Variants in GMDS observed in about 807,000 individuals in gnomAD.
The protein encoded by GMDS is GDP-mannose 4,6 dehydratase.
A neutral mutation model predicts 49.9 loss-of-function variants in GMDS; 20 were observed. The observed-to-expected ratio is 0.40, with a 90% CI of 0.28 to 0.58. The LOEUF (loss-of-function observed/expected upper bound fraction) is 0.58, where lower values mean the gene tolerates loss of function less well. Ranked by LOEUF, GMDS falls within the 20% of genes least tolerant of loss-of-function variation. The pLI, the probability that GMDS is intolerant of heterozygous loss-of-function variation, is 0.42. For synonymous variants in GMDS, 177 were observed against 178.6 expected (o/e 0.99, Z 0.07); for missense variants, 362 against 481.4 (o/e 0.75, Z 2.32).
chr6:1,995,246 G>A (rs1395157028), intron 4 of GMDS, among the ~76,000 whole-genome samples: 2 of 152,156 alleles, frequency 1.3e-5, no homozygotes, highest in African/African-American at 4.8e-5. Context: ...GGGTACAAGG[G>A]AGGACCACAG....
intron 9 of GMDS, among the ~76,000 whole-genome samples, chr6:1,706,818 T>A (rs1465212573): frequency 6.6e-6 from 1 of 152,244 alleles, no homozygotes; most frequent in Non-Finnish European, 1.5e-5. Flanking sequence ...ATAGTCTGAA[T>A]GGACACGGAC....
intron 4 of GMDS, among the ~76,000 whole-genome samples, chr6:2,056,616 G>A (rs555673018): frequency 3.4e-4 from 52 of 152,160 alleles, no homozygotes; most frequent in African/African-American, 1.1e-3. Flanking sequence ...TAAAAAAACC[G>A]CAGATGCCAG....
At chr6:2,153,119 T>C (rs1193654411) in intron 1 of GMDS, among the ~76,000 whole-genome samples, 6 of 152,180 alleles carry the variant, frequency 3.9e-5, no homozygotes, top group African/African-American at 1.4e-4. Flanking sequence ...GACTATTCAA[T>C]AAATTATGCT....
At chr6:2,045,699 G>T (rs555492867) in intron 4 of GMDS, among the ~76,000 whole-genome samples, 1 of 151,718 alleles carries the variant, frequency 6.6e-6, no homozygotes, top group East Asian at 1.9e-4. Flanking sequence ...ACCTTTCCTG[G>T]AGTAATCCTA....
chr6:2,076,384 T>C (rs1772341013), intron 4 of GMDS, among the ~76,000 whole-genome samples: 1 of 149,388 alleles, frequency 6.7e-6, no homozygotes, highest in African/African-American at 2.4e-5. Flanking sequence ...ACCAATGACT[T>C]TCTTCACAGA....
At chr6:1,849,799 T>C (rs1428176618) in intron 7 of GMDS, among the ~76,000 whole-genome samples, 2 of 152,188 alleles carry the variant, frequency 1.3e-5, no homozygotes, top group Non-Finnish European at 2.9e-5. Flanking sequence ...CCATATTATA[T>C]AAAACAGCAA....
intron 7 of GMDS, among the ~76,000 whole-genome samples, chr6:1,879,301 C>T (rs866023419): frequency 1.2e-4 from 19 of 152,134 alleles, no homozygotes; most frequent in Middle Eastern, 3.4e-3. Flanking sequence ...ACATTAAATA[C>T]GCTACTAAGA....
Position 1,714,057 on chromosome 6 carries a change from G to A in GMDS, c.987+12359C>T, listed in dbSNP as rs572342150. 2.2e-4 allele frequency among the ~76,000 whole-genome samples: 34 copies of A among 152,148 alleles called. 1 individual carries two copies. The highest frequency in any genetic ancestry group is 2.1e-3 in the South Asian group (10 of 4,812). ...TTTTGAGAGGGAGTCTCACTCTGTC[G>A]CCCAGGCTGGAGTGCAGTGGCATGA... On this transcript the variant is annotated intron_variant, in intron 9 of 10. Transcript: ENST00000380815.
intron 9 of GMDS, among the ~76,000 whole-genome samples, chr6:1,708,321 A>G (rs973076017): frequency 6.6e-6 from 1 of 152,248 alleles, no homozygotes. Context: ...CATTCCCAGC[A>G]GGCAGCGAAG....
chr6:2,146,404 G>A (rs1776562140), intron 1 of GMDS, among the ~76,000 whole-genome samples: 1 of 152,188 alleles, frequency 6.6e-6, no homozygotes, highest in South Asian at 2.1e-4. Context: ...GAAGACAGTC[G>A]AGTTAACTGA....
At chr6:2,047,651 T>C (rs1028329418) in intron 4 of GMDS, among the ~76,000 whole-genome samples, 2 of 151,796 alleles carry the variant, frequency 1.3e-5, no homozygotes, top group African/African-American at 4.8e-5. Flanking sequence ...ACCTTCCCCA[T>C]CTAATTTTCG....
At chr6:2,005,855 C>A (rs1162882125) in intron 4 of GMDS, among the ~76,000 whole-genome samples, 2 of 152,120 alleles carry the variant, frequency 1.3e-5, no homozygotes, top group East Asian at 3.9e-4. Flanking sequence ...TTATATATCA[C>A]CACCTCCTAA....
At chr6:2,065,889 G>A (rs1771551894) in intron 4 of GMDS, among the ~76,000 whole-genome samples, 1 of 152,138 alleles carries the variant, frequency 6.6e-6, no homozygotes, top group South Asian at 2.1e-4. Flanking sequence ...TAGCAAGGCA[G>A]GCCAACATTC....
At chr6:2,233,761 G>A (rs1781221894) in intron 1 of GMDS, among the ~76,000 whole-genome samples, 1 of 152,190 alleles carries the variant, frequency 6.6e-6, no homozygotes, top group Non-Finnish European at 1.5e-5. Flanking sequence ...GGGCGCCGAA[G>A]TTGCAGTGGG....
intron 4 of GMDS, among the ~76,000 whole-genome samples, chr6:1,965,226 C>T (rs1260981601): frequency 6.6e-6 from 1 of 152,048 alleles, no homozygotes; most frequent in African/African-American, 2.4e-5. Context: ...ATTTCTAGTT[C>T]TAGATCCCTG....
In GMDS at chr6:1,936,739, G is replaced by A. The variant is rs565351100; in HGVS notation, c.644-6509C>T. Among the ~76,000 whole-genome samples the A allele has an allele frequency of 3.3e-5, 5 of 152,230 alleles. No homozygotes were observed. The South Asian group carries it at 1.0e-3, about 32-fold the overall frequency. On this transcript the variant is annotated intron_variant, in intron 6 of 10. Transcript: ENST00000380815. ...CCCAACACTTTGGGAGGCTGAGGTG[G>A]GCAGATCAACTGAGGTCAGGAGTTT... is the stretch of plus-strand genomic sequence containing the variant.
Position 2,144,532 on chromosome 6 carries a change from C to T in GMDS, c.103-19801G>A, listed in dbSNP as rs1776457289. On this transcript the variant is annotated intron_variant, in intron 1 of 10. Coordinates refer to ENST00000380815, the MANE Select transcript of GMDS (RefSeq NM_001500.4). ...GAGGTGGTCTCTAGTTGCCTGGCACCTAGCCTTGAATGATGTAAGCAAGGG... is the reference window on the plus strand; with the variant it reads ...GAGGTGGTCTCTAGTTGCCTGGCACTTAGCCTTGAATGATGTAAGCAAGGG... 2.6e-5 allele frequency among the ~76,000 whole-genome samples: 4 copies of T among 152,144 alleles called. No individual in the cohort carries two copies. In the South Asian group the frequency reaches 8.3e-4, roughly 32 times the overall value.
intron 7 of GMDS, among the ~76,000 whole-genome samples, chr6:1,769,590 C>G (rs1033594618): frequency 6.6e-6 from 1 of 152,272 alleles, no homozygotes; most frequent in Non-Finnish European, 1.5e-5. Flanking sequence ...AGGAGGAAGA[C>G]TGAAGCCCAA....
intron 8 of GMDS, among the ~76,000 whole-genome samples, chr6:1,739,185 A>G (rs1362288979): frequency 6.6e-6 from 1 of 152,222 alleles, no homozygotes. Context: ...AAGTGCACAT[A>G]AAGGAAAGAG....
Sources: gnomAD v4.1 joint callset for allele counts (sites outside exome capture counted in the v4.1 genomes callset) on GRCh38, gnomAD v4.1.1 for gene constraint, MANE v1.5 for transcripts, NCBI Gene and HGNC (gene_info 2026-07-23, HGNC 2026-07-21) for gene names.